LCLAT1: variants seen among roughly 807,000 people sequenced by gnomAD.
LCLAT1 encodes the protein 1-AGP acyltransferase 8.
Under a neutral mutation model 30.7 loss-of-function variants are expected in LCLAT1, and 11 were observed. That is an observed-to-expected ratio of 0.36 (90% CI 0.23 to 0.59). The LOEUF (loss-of-function observed/expected upper bound fraction) is 0.59. LCLAT1 is among the 20% of genes least tolerant of loss of function. The pLI, the probability that LCLAT1 is intolerant of heterozygous loss-of-function variation, is 0.77. For synonymous variants in LCLAT1, 155 were observed against 151.3 expected (o/e 1.02, Z -0.18); for missense variants, 402 against 458.6 (o/e 0.88, Z 1.13).
chr2:30,461,369 C>G (rs981027321), intron 1 of LCLAT1, among the ~76,000 whole-genome samples: 6 of 152,070 alleles, frequency 3.9e-5, no homozygotes, highest in Admixed American at 3.9e-4. Flanking sequence ...ATGGTAAGAC[C>G]TAGATTTTTT....
intron 1 of LCLAT1, among the ~76,000 whole-genome samples, chr2:30,511,119 A>G (rs1684919622): frequency 6.6e-6 from 1 of 152,128 alleles, no homozygotes; most frequent in South Asian, 2.1e-4. Context: ...AAAATGGGTG[A>G]TTTAGAAAGC....
In LCLAT1 at chr2:30,521,489, C is replaced by CTTTTTTT. The variant is rs1262784785; in HGVS notation, c.-4-4096_-4-4095insTTTTTTT. On this transcript the variant is annotated intron_variant, in intron 1 of 5. Transcript: ENST00000379509. ...GTTTCCTCAACCCCCTAAACTACTT[C>CTTTTTTT]TTCTTTTTTTTTTTTTTTTTTTTTT... is the stretch of plus-strand genomic sequence containing the variant. Among the ~76,000 whole-genome samples the CTTTTTTT allele has an allele frequency of 1.8e-3, 100 of 55,536 alleles. 7 individuals carry two copies. Among genetic ancestry groups the CTTTTTTT allele is most frequent in the East Asian group, 6.3e-3 (11 of 1,750 alleles). The allele number at this position is 55,536 out of a possible 152,430, so 36.4% of individuals were successfully genotyped here.
intron 1 of LCLAT1, among the ~76,000 whole-genome samples, chr2:30,480,811 A>G (rs2148309680): frequency 6.6e-6 from 1 of 152,284 alleles, no homozygotes; most frequent in South Asian, 2.1e-4. Flanking sequence ...CTGAGGATAT[A>G]ATAGTGCACA....
chr2:30,608,493 C>A (rs1558553137), intron 5 of LCLAT1, among the ~76,000 whole-genome samples: 1 of 152,006 alleles, frequency 6.6e-6, no homozygotes, highest in Non-Finnish European at 1.5e-5. Flanking sequence ...TCACCCAGAG[C>A]AACTTCCAGT....
At chr2:30,516,276 A>T (rs1685180111) in intron 1 of LCLAT1, among the ~76,000 whole-genome samples, 1 of 151,610 alleles carries the variant, frequency 6.6e-6, no homozygotes, top group Non-Finnish European at 1.5e-5. Flanking sequence ...GCAACTGCAC[A>T]CTCTTCTGGT....
At chr2:30,584,390 A>G (rs1666338683) in intron 5 of LCLAT1, among the ~76,000 whole-genome samples, 1 of 152,222 alleles carries the variant, frequency 6.6e-6, no homozygotes. Flanking sequence ...GGCTGGCTGA[A>G]TCACATTTAG....
In LCLAT1 at chr2:30,640,979, G is replaced by GC. The variant is rs1490938155; in HGVS notation, c.*363dup. On this transcript the variant is annotated 3_prime_UTR_variant, in exon 6 of 6. Coordinates refer to ENST00000379509, the MANE Select transcript of LCLAT1 (RefSeq NM_001002257.3). ...GCAGATCTGGAACTCGTCAACAACA[G>GC]CCCGGATCACATGCTGTTACTGGAC... 1.3e-5 allele frequency: 3 copies of GC among 231,082 alleles called. No homozygotes were observed. The highest frequency in any genetic ancestry group is 2.5e-5 in the Non-Finnish European group (3 of 118,766). The allele number at this position is 231,082 out of a possible 1,614,324, so 14.3% of individuals were successfully genotyped here.
intron 1 of LCLAT1, among the ~76,000 whole-genome samples, chr2:30,474,799 C>A (rs143702797): frequency 6.6e-6 from 1 of 151,160 alleles, no homozygotes; most frequent in African/African-American, 2.4e-5. Context: ...CAGGTGTGCA[C>A]CACCACACAT....
At chr2:30,562,860 A>G (rs1665303547) in intron 4 of LCLAT1, among the ~76,000 whole-genome samples, 1 of 152,082 alleles carries the variant, frequency 6.6e-6, no homozygotes, top group Admixed American at 6.5e-5. Context: ...CATAAGAAAA[A>G]GATCTGATAG....
chr2:30,475,030 A>G (rs906926807), intron 1 of LCLAT1, among the ~76,000 whole-genome samples: 5 of 146,384 alleles, frequency 3.4e-5, no homozygotes, highest in Non-Finnish European at 3.0e-5. Flanking sequence ...GACAGGGTCT[A>G]ACTGTTGCCC....
At chr2:30,511,725 T>C (rs1334564759) in intron 1 of LCLAT1, among the ~76,000 whole-genome samples, 1 of 152,200 alleles carries the variant, frequency 6.6e-6, no homozygotes, top group Non-Finnish European at 1.5e-5. Context: ...TGCCCTAAAC[T>C]GTGCATTTCC....
At chr2:30,527,534 AT>A (rs1370709054) in intron 2 of LCLAT1, among the ~76,000 whole-genome samples, 1 of 152,182 alleles carries the variant, frequency 6.6e-6, no homozygotes, top group Non-Finnish European at 1.5e-5. Flanking sequence ...AGTCACTCTA[AT>A]TTTTGGAGAG....
Position 30,574,181 on chromosome 2 carries a change from AAG to A in LCLAT1, c.628+6009_628+6010del, listed in dbSNP as rs199499650. 6.6e-3 allele frequency among the ~76,000 whole-genome samples: 1,010 copies of A among 152,216 alleles called. 10 individuals carry two copies. The highest frequency in any genetic ancestry group is 0.023 in the African/African-American group (959 of 41,512). ...TAATAATAATAGCAGCACCAAAAGT[AAG>A]AGAAGAAATCAAGGTAAGGGAAAAT... On this transcript the variant is annotated intron_variant, in intron 5 of 5. Coordinates refer to ENST00000379509, the MANE Select transcript of LCLAT1 (RefSeq NM_001002257.3).
chr2:30,640,681 A>G lies in LCLAT1; in HGVS notation c.*62A>G, dbSNP rs1470344241. On this transcript the variant is annotated 3_prime_UTR_variant, in exon 6 of 6. Coordinates refer to ENST00000379509, the MANE Select transcript of LCLAT1 (RefSeq NM_001002257.3). The stretch of plus-strand genomic sequence containing the variant: ...TTTTGGAAATGTTCTAAACCTTTCT[A>G]AGCTCAGATGCATTTTTGCATGACT... 5 of 1,511,346 alleles carry G rather than the reference A, an allele frequency of 3.3e-6. No individual in the cohort carries two copies. Among genetic ancestry groups the G allele is most frequent in the East Asian group, 2.3e-5 (1 of 43,768 alleles). 93.6% of individuals were successfully genotyped at this position (1,511,346 alleles called of 1,614,324 possible). A position where few individuals can be genotyped will look rare whatever the true frequency, so the allele number is the denominator to read the frequency against.
chr2:30,456,932 A>G (rs1226078899), intron 1 of LCLAT1, among the ~76,000 whole-genome samples: 2 of 152,204 alleles, frequency 1.3e-5, no homozygotes, highest in Non-Finnish European at 2.9e-5. Context: ...GGAAGAAAAT[A>G]CAGGGTGGAA....
chr2:30,486,071 C>G (rs1195138634), intron 1 of LCLAT1, among the ~76,000 whole-genome samples: 2 of 152,144 alleles, frequency 1.3e-5, no homozygotes, highest in East Asian at 3.9e-4. Flanking sequence ...TAAATATTTT[C>G]TAATTTCCAA....
intron 1 of LCLAT1, among the ~76,000 whole-genome samples, chr2:30,494,867 G>A (rs72856632): frequency 6.6e-6 from 1 of 150,780 alleles, no homozygotes; most frequent in African/African-American, 2.4e-5. Flanking sequence ...TTTCTGTTTG[G>A]GGGGTGGAGG....
At chr2:30,591,850 G>C (rs13016380) in intron 5 of LCLAT1, among the ~76,000 whole-genome samples, 1 of 152,090 alleles carries the variant, frequency 6.6e-6, no homozygotes, top group Non-Finnish European at 1.5e-5. Flanking sequence ...AATTGGCTTG[G>C]TTATTGCCCT....
intron 1 of LCLAT1, among the ~76,000 whole-genome samples, chr2:30,504,984 C>T (rs1437796963): frequency 6.6e-6 from 1 of 152,120 alleles, no homozygotes; most frequent in Non-Finnish European, 1.5e-5. Flanking sequence ...AGCAATACAT[C>T]TTGGAGAGCA....
Sources: allele counts gnomAD v4.1 joint callset (sites outside exome capture counted in the v4.1 genomes callset), GRCh38; gene constraint gnomAD v4.1.1; transcripts MANE v1.5; gene names NCBI Gene and HGNC (gene_info 2026-07-23, HGNC 2026-07-21).